Variants in CSTPP1 observed in about 807,000 individuals in gnomAD.
CSTPP1 encodes UPF0705 protein C11orf49.
chr11:46,991,018 G>A, the CSTPP1 span, among the ~76,000 whole-genome samples: 34 of 151,978 alleles, frequency 2.2e-4, no homozygotes, highest in Admixed American at 2.0e-3. Context: ...CATGCAAAAC[G>A]CAATCTTCAT....
At chr11:46,975,443 A>G in the CSTPP1 span, among the ~76,000 whole-genome samples, 19 of 152,230 alleles carry the variant, frequency 1.2e-4, no homozygotes, top group Non-Finnish European at 2.4e-4. Flanking sequence ...TGAAAGATGT[A>G]TTAAGCAAAA....
At chr11:47,097,060 G>GC in the CSTPP1 span, among the ~76,000 whole-genome samples, 2 of 144,064 alleles carry the variant, frequency 1.4e-5, no homozygotes, top group Middle Eastern at 4.0e-3. Context: ...TGGGGGGTCA[G>GC]CCCCCCCACC....
At chr11:47,017,173 ATTTT>A in the CSTPP1 span, among the ~76,000 whole-genome samples, 2 of 82,208 alleles carry the variant, frequency 2.4e-5, no homozygotes, top group Non-Finnish European at 2.3e-5. Context: ...AATTCTATGA[ATTTT>A]TTTTTTTTTT....
the CSTPP1 span, among the ~76,000 whole-genome samples, chr11:46,997,093 T>A: frequency 6.6e-6 from 1 of 152,210 alleles, no homozygotes; most frequent in African/African-American, 2.4e-5. Flanking sequence ...TGAATTTGAA[T>A]GTTGGCTTTC....
At chr11:47,099,340 A>G in the CSTPP1 span, among the ~76,000 whole-genome samples, 1 of 152,288 alleles carries the variant, frequency 6.6e-6, no homozygotes, top group East Asian at 1.9e-4. Context: ...GAATTTTCCC[A>G]TTTAGTCCCT....
the CSTPP1 span, among the ~76,000 whole-genome samples, chr11:47,088,790 C>T: frequency 6.6e-6 from 1 of 152,138 alleles, no homozygotes; most frequent in African/African-American, 2.4e-5. Context: ...AAGTGATCCA[C>T]CTGCCTCGGC....
At chr11:46,950,350 T>C in the CSTPP1 span, among the ~76,000 whole-genome samples, 4 of 151,570 alleles carry the variant, frequency 2.6e-5, no homozygotes, top group Admixed American at 2.6e-4. Flanking sequence ...ATTTTTTGTA[T>C]TTTTAGTAGA....
chr11:47,058,277 G>A, the CSTPP1 span, among the ~76,000 whole-genome samples: 2 of 152,154 alleles, frequency 1.3e-5, no homozygotes, highest in East Asian at 3.9e-4. Flanking sequence ...GCAGTGAGCT[G>A]TGATCGCACC....
the CSTPP1 span, among the ~76,000 whole-genome samples, chr11:47,095,285 C>T: frequency 6.6e-6 from 1 of 152,176 alleles, no homozygotes; most frequent in Non-Finnish European, 1.5e-5. Context: ...TAGTATTAGA[C>T]AGGATTTCAT....
the CSTPP1 span, among the ~76,000 whole-genome samples, chr11:47,131,289 G>A: frequency 6.6e-6 from 1 of 152,136 alleles, no homozygotes; most frequent in Non-Finnish European, 1.5e-5. Flanking sequence ...CCGATCTACA[G>A]CTATATTCCA....
At chr11:47,028,983 G>A in the CSTPP1 span, among the ~76,000 whole-genome samples, 1 of 151,536 alleles carries the variant, frequency 6.6e-6, no homozygotes, top group African/African-American at 2.4e-5. Flanking sequence ...GACTACAGGC[G>A]CAGGCCACCA....
chr11:47,099,480 C>T, the CSTPP1 span, among the ~76,000 whole-genome samples: 15 of 152,100 alleles, frequency 9.9e-5, no homozygotes, highest in African/African-American at 3.6e-4. Context: ...CCTGGAGACT[C>T]CTAGGGACCC....
the CSTPP1 span, chr11:46,987,723 G>A: frequency 4.8e-5 from 8 of 166,636 alleles, no homozygotes; most frequent in Admixed American, 4.6e-4. Context: ...AGGATGCTGT[G>A]CCAATCACTT....
the CSTPP1 span, among the ~76,000 whole-genome samples, chr11:47,009,072 C>T: frequency 5.9e-5 from 9 of 151,320 alleles, no homozygotes. Flanking sequence ...GTGTGGATCT[C>T]TTGAATTTAA....
chr11:47,038,034 T>G, the CSTPP1 span, among the ~76,000 whole-genome samples: 1 of 108,230 alleles, frequency 9.2e-6, no homozygotes, highest in Non-Finnish European at 2.2e-5. Context: ...GGCTCCTCAC[T>G]TCCCAGTAGG....
chr11:47,047,352 C>G, the CSTPP1 span, among the ~76,000 whole-genome samples: 4 of 152,104 alleles, frequency 2.6e-5, no homozygotes, highest in African/African-American at 9.7e-5. Flanking sequence ...GCTATGAAGC[C>G]ACAGTAATTC....
At chr11:47,111,178 T>C in the CSTPP1 span, among the ~76,000 whole-genome samples, 1 of 152,248 alleles carries the variant, frequency 6.6e-6, no homozygotes, top group African/African-American at 2.4e-5. Context: ...AGCAGATACA[T>C]GGCACTCATC....
At chr11:47,073,124 A>G in the CSTPP1 span, among the ~76,000 whole-genome samples, 1 of 152,218 alleles carries the variant, frequency 6.6e-6, no homozygotes, top group Non-Finnish European at 1.5e-5. Context: ...TAACATTTTT[A>G]TAATCATAGT....
the CSTPP1 span, among the ~76,000 whole-genome samples, chr11:46,990,167 C>G: frequency 6.6e-6 from 1 of 152,172 alleles, no homozygotes. Flanking sequence ...AATGGGACTG[C>G]TGAGTCAAAT....
Sources: gnomAD v4.1 joint callset for allele counts (sites outside exome capture counted in the v4.1 genomes callset) on GRCh38, gnomAD v4.1.1 for gene constraint, MANE v1.5 for transcripts, NCBI Gene and HGNC (gene_info 2026-07-23, HGNC 2026-07-21) for gene names.